Variants in MYH10 observed in about 807,000 individuals in gnomAD.
MYH10 encodes the protein myosin heavy chain 10.
MYH10 carries 55 observed loss-of-function variants against 257.8 expected under a neutral mutation model. The observed-to-expected ratio is 0.21, with a 90% CI of 0.17 to 0.27. MYH10 has a LOEUF of 0.27. Ranked by LOEUF, MYH10 falls within the 10% of genes least tolerant of loss-of-function variation. The probability of loss-of-function intolerance (pLI) is 1.00; values close to 1 mark genes in which losing one functional copy is unlikely to be tolerated. For synonymous variants in MYH10, 854 were observed against 921.7 expected (o/e 0.93, Z 1.33); for missense variants, 1,631 against 2,500.6 (o/e 0.65, Z 7.42).
chr17:8,605,291 A>G (rs2084754760), intron 2 of MYH10, among the ~76,000 whole-genome samples: 1 of 152,220 alleles, frequency 6.6e-6, no homozygotes. Flanking sequence ...TATGTTATTT[A>G]CTTTTTTACA....
chr17:8,595,681 T>C (rs2152061184), intron 3 of MYH10, among the ~76,000 whole-genome samples: 1 of 152,266 alleles, frequency 6.6e-6, no homozygotes. Context: ...TCCGCCTGCC[T>C]TGGCCTCCCA....
chr17:8,626,578 A>AAATAATAAAT (rs2085686259), intron 1 of MYH10, among the ~76,000 whole-genome samples: 1 of 140,190 alleles, frequency 7.1e-6, no homozygotes, highest in African/African-American at 2.7e-5. Flanking sequence ...AAATAATAAT[A>AAATAATAAAT]AATAATAATA....
chr17:8,492,629 T>G, intron 33 of MYH10, 120 bp from the exon 34 acceptor site: 1 of 1,227,210 alleles, frequency 8.1e-7, no homozygotes, highest in Non-Finnish European at 1.1e-6. Context: ...TTCTTGTATT[T>G]CCTTTTTTTT....
chr17:8,582,845 A>G (rs1265453433), intron 4 of MYH10, among the ~76,000 whole-genome samples: 7 of 152,252 alleles, frequency 4.6e-5, no homozygotes, highest in Non-Finnish European at 1.0e-4. Flanking sequence ...TGGTAAAAAT[A>G]TTGGTATTTT....
chr17:8,594,373 A>T (rs1334440189), intron 3 of MYH10, among the ~76,000 whole-genome samples: 2 of 152,222 alleles, frequency 1.3e-5, no homozygotes, highest in African/African-American at 2.4e-5. Flanking sequence ...TTAAAACTAC[A>T]GTGAGATACT....
At chr17:8,585,973 T>C (rs1038004547) in intron 4 of MYH10, among the ~76,000 whole-genome samples, 1 of 152,170 alleles carries the variant, frequency 6.6e-6, no homozygotes, top group African/African-American at 2.4e-5. Context: ...TAAAGTGGTA[T>C]GAAAATCACT....
At chr17:8,565,158 A>G (rs974364250) in intron 7 of MYH10, among the ~76,000 whole-genome samples, 1 of 152,222 alleles carries the variant, frequency 6.6e-6, no homozygotes, top group Non-Finnish European at 1.5e-5. Flanking sequence ...TTCATTTGGA[A>G]TATGTTAAAC....
intron 9 of MYH10, among the ~76,000 whole-genome samples, chr17:8,549,668 C>A (rs2082557488): frequency 6.6e-6 from 1 of 152,166 alleles, no homozygotes; most frequent in Non-Finnish European, 1.5e-5. Context: ...CTATTTCTTT[C>A]AACACTTTGA....
In MYH10 at chr17:8,475,449, C is replaced by T. The variant is rs918201004; in HGVS notation, c.*355G>A. 4.4e-5 allele frequency: 9 copies of T among 206,016 alleles called. No individual in the cohort carries two copies. Among genetic ancestry groups the T allele is most frequent in the East Asian group, 2.6e-4 (2 of 7,834 alleles). The allele number at this position is 206,016 out of a possible 1,614,324, so 12.8% of individuals were successfully genotyped here. A position where few individuals can be genotyped will look rare whatever the true frequency, so the allele number is the denominator to read the frequency against. On this transcript the variant is annotated 3_prime_UTR_variant, in exon 43 of 43. Transcript: ENST00000360416. ...GAGAGCATGCAGAGCGACTGAGTGACGACCACGGCGCTGCCCCAATAACCC... is the reference window on the plus strand; with the variant it reads ...GAGAGCATGCAGAGCGACTGAGTGATGACCACGGCGCTGCCCCAATAACCC...
At chr17:8,546,766 T>G (rs2082458171) in intron 11 of MYH10, 104 bp from the exon 12 acceptor site, 2 of 769,852 alleles carry the variant, frequency 2.6e-6, no homozygotes, top group African/African-American at 1.8e-5. Context: ...TAAATTGTAT[T>G]AAGAAATAAA....
intron 2 of MYH10, 141 bp downstream of exon 2, chr17:8,622,761 A>G: frequency 1.9e-6 from 2 of 1,063,542 alleles, no homozygotes; most frequent in Non-Finnish European, 2.6e-6. Context: ...GCAAGCAACA[A>G]ATCTTTCTAT....
intron 37 of MYH10, among the ~76,000 whole-genome samples, chr17:8,483,877 G>A (rs1462535334): frequency 6.6e-6 from 1 of 152,240 alleles, no homozygotes; most frequent in African/African-American, 2.4e-5. Context: ...AAGGTGGCCT[G>A]AAAAGCTACT....
chr17:8,562,044 T>C (rs1029383193), intron 7 of MYH10, among the ~76,000 whole-genome samples: 1 of 152,230 alleles, frequency 6.6e-6, no homozygotes, highest in Non-Finnish European at 1.5e-5. Context: ...ATGTATTCTA[T>C]TTTAAAAACA....
chr17:8,502,461 T>C lies in MYH10; in HGVS notation c.3600-1491A>G, dbSNP rs372465191. ...GGAAATCTCTCCTACTAGCAGCACGTTGTCTTTTGGGAAAATAGTTGTGTG... is the reference window on the plus strand; with the variant it reads ...GGAAATCTCTCCTACTAGCAGCACGCTGTCTTTTGGGAAAATAGTTGTGTG... On this transcript the variant is annotated intron_variant, in intron 28 of 42. Transcript: ENST00000360416. Among the ~76,000 whole-genome samples, 92 of 133,324 alleles carry C rather than the reference T, an allele frequency of 6.9e-4. 2 individuals are homozygous for C. In the South Asian group the frequency reaches 0.023, roughly 33 times the overall value. The allele number at this position is 133,324 out of a possible 152,430, so 87.5% of individuals were successfully genotyped here.
At chr17:8,524,449 C>CAAAAAAAA (rs541255427) in intron 17 of MYH10, among the ~76,000 whole-genome samples, 5 of 62,158 alleles carry the variant, frequency 8.0e-5, no homozygotes, top group African/African-American at 3.3e-4. Context: ...GACTCTGTCT[C>CAAAAAAAA]AAAAAAAAAA....
chr17:8,549,603 T>A (rs1396979228), intron 9 of MYH10, among the ~76,000 whole-genome samples: 1 of 152,214 alleles, frequency 6.6e-6, no homozygotes, highest in Non-Finnish European at 1.5e-5. Context: ...TGTCCCGTTA[T>A]TCTTGTCTAC....
At chr17:8,492,194 A>G in intron 34 of MYH10, 103 bp downstream of exon 34, 1 of 1,154,656 alleles carries the variant, frequency 8.7e-7, no homozygotes. Flanking sequence ...GTGCATTCCC[A>G]GGTCCTTCAG....
Position 8,545,344 on chromosome 17 carries a change from G to C in MYH10, c.1431+104C>G. On this transcript the variant is annotated intron_variant, in intron 13 of 42. Transcript: ENST00000360416. The surrounding 1 kb of genome is among the most constrained non-coding windows in gnomAD (Gnocchi z 4.7). The stretch of plus-strand genomic sequence containing the variant: ...TGGCTCTACTAGAATGGCAGGGACT[G>C]TATCCCTGGTGCCTCGTATGTACTG... 8.0e-7 allele frequency: 1 copy of C among 1,253,140 alleles called. No individual in the cohort carries two copies. Among genetic ancestry groups the C allele is most frequent in the South Asian group, 1.3e-5 (1 of 74,590 alleles). The allele number at this position is 1,253,140 out of a possible 1,614,324, so 77.6% of individuals were successfully genotyped here.
intron 31 of MYH10, 30 bp downstream of exon 31, chr17:8,495,107 T>C: frequency 7.5e-7 from 1 of 1,338,232 alleles, no homozygotes; most frequent in Non-Finnish European, 1.1e-6. Context: ...TGTTAGTTAT[T>C]ATAAAGACCC....
Sources: gnomAD v4.1 joint callset for allele counts (sites outside exome capture counted in the v4.1 genomes callset) on GRCh38, gnomAD v4.1.1 for gene constraint, Gnocchi (gnomAD v3.1) non-coding constraint, MANE v1.5 for transcripts, NCBI Gene and HGNC (gene_info 2026-07-23, HGNC 2026-07-21) for gene names.